The following EFNA2 variants were observed in gnomAD, a reference collection of about 807,000 sequenced individuals.
The protein encoded by EFNA2 is ephrin A2.
EFNA2 carries 18 observed loss-of-function variants against 19.7 expected under a neutral mutation model. The observed-to-expected ratio is 0.91, with a 90% CI of 0.63 to 1.35. EFNA2 has a LOEUF of 1.35. Among genes scored for constraint, EFNA2 ranks in the 40% most tolerant of loss-of-function variants. The pLI, the probability that EFNA2 is intolerant of heterozygous loss-of-function variation, is 0.00. For missense variants in EFNA2, 303 were observed against 296.0 expected (o/e 1.02, Z -0.17); for synonymous variants, 187 against 137.8 (o/e 1.36, Z -2.50).
rs200797751 is a variant in EFNA2, at chr19:1,300,594, A to AC, written c.*655dup. Among the ~76,000 whole-genome samples, 671 of 149,920 alleles carry AC rather than the reference A, an allele frequency of 4.5e-3. 6 individuals carry two copies. Among genetic ancestry groups the AC allele is most frequent in the African/African-American group, 0.016 (630 of 39,832 alleles). On this transcript the variant is annotated 3_prime_UTR_variant, in exon 4 of 4. Transcript: ENST00000215368. ...GGAACACAGCTGCAGCCCACCGCGG[A>AC]CCCCCCTGGTGCTCCAGGTTGGGTG... is the stretch of plus-strand genomic sequence containing the variant.
At position 1,287,890 on chromosome 19, in the gene EFNA2, G is replaced by C. The variant is rs140783631; in HGVS notation, c.140+1582G>C. Among the ~76,000 whole-genome samples, 647 of 152,358 alleles carry C rather than the reference G, an allele frequency of 4.2e-3. 5 individuals carry two copies. The highest frequency in any genetic ancestry group is 0.015 in the African/African-American group (611 of 41,580). On this transcript the variant is annotated intron_variant, in intron 1 of 3. Coordinates refer to ENST00000215368, the MANE Select transcript of EFNA2 (RefSeq NM_001405.4). This position sits in a 1 kb window ranked among gnomAD's most constrained non-coding sequence, Gnocchi z 6.2. ...ACACACGAGGACCCGGCAACCGGGG[G>C]AGGAAGGTGGTCACCAGGGCCGTCC...
intron 1 of EFNA2, among the ~76,000 whole-genome samples, chr19:1,293,765 G>A (rs533115727): frequency 1.1e-3 from 164 of 152,348 alleles, no homozygotes; most frequent in African/African-American, 3.8e-3. Context: ...CCGCCGCCCT[G>A]CCTTGAAATT....
rs1185484211 is a variant in EFNA2 at position 1,296,636 on chromosome 19, G to A, written c.454+778G>A. 6.6e-6 allele frequency among the ~76,000 whole-genome samples: 1 copy of A among 152,086 alleles called. No homozygotes were observed. The highest frequency in any genetic ancestry group is 1.5e-5 in the Non-Finnish European group (1 of 67,984). Reference sequence around the variant, plus strand: ...TGCACTCCAGCCTGGGTGGCAGAGCGAGACCCTGTCTTTAAAAGAAGAAAA... The same window carrying A: ...TGCACTCCAGCCTGGGTGGCAGAGCAAGACCCTGTCTTTAAAAGAAGAAAA... On this transcript the variant is annotated intron_variant, in intron 2 of 3. Coordinates refer to ENST00000215368, the MANE Select transcript of EFNA2 (RefSeq NM_001405.4). This position sits in a 1 kb window ranked among gnomAD's most constrained non-coding sequence, Gnocchi z 4.4.
intron 1 of EFNA2, among the ~76,000 whole-genome samples, chr19:1,292,633 G>A (rs1476804470): frequency 1.3e-5 from 2 of 152,230 alleles, no homozygotes; most frequent in African/African-American, 4.8e-5. Context: ...TGGCTGGAAG[G>A]GAGGAGTCTT....
At chr19:1,289,234 C>T (rs1487651140) in intron 1 of EFNA2, among the ~76,000 whole-genome samples, 2 of 152,236 alleles carry the variant, frequency 1.3e-5, no homozygotes, top group African/African-American at 4.8e-5. Context: ...CTGTGCGTGG[C>T]ACCCGCGTTT....
chr19:1,288,119 C>T (rs1376833677), intron 1 of EFNA2, among the ~76,000 whole-genome samples: 1 of 152,258 alleles, frequency 6.6e-6, no homozygotes, highest in Non-Finnish European at 1.5e-5. Context: ...CTGCCTCCTC[C>T]TTCCTCTCCT....
Position 1,295,604 on chromosome 19 carries a change from A to T in EFNA2, c.200A>T (p.Asp67Val). ...GGYTVEVSINDYLDIYCPHYG... is the reference protein window; with the variant it reads ...GGYTVEVSINVYLDIYCPHYG... ...TACACGGTGGAGGTGAGCATCAATG[A>T]CTACCTGGACATCTACTGCCCGCAC... Residue 67 changes from aspartate to valine, a missense_variant, in exon 2 of 4, where the codon GAC (aspartate) becomes GTC (valine). Asp to Val is a radical substitution (Grantham distance 152). Transcript: ENST00000215368. This position sits in a 1 kb window ranked among gnomAD's most constrained non-coding sequence, Gnocchi z 5.8. 1 of 1,610,864 alleles carries T rather than the reference A, an allele frequency of 6.2e-7. No homozygotes were observed. The highest frequency in any genetic ancestry group is 2.2e-5 in the East Asian group (1 of 44,758).
At position 1,286,019 on chromosome 19, in the gene EFNA2, C is replaced by T. The variant is rs1242782565; in HGVS notation, c.-150C>T. 1.3e-5 allele frequency: 2 copies of T among 156,706 alleles called. No individual in the cohort carries two copies. The highest frequency in any genetic ancestry group is 2.6e-5 in the Non-Finnish European group (2 of 76,112). 9.7% of individuals were successfully genotyped at this position (156,706 alleles called of 1,614,324 possible). On this transcript the variant is annotated 5_prime_UTR_variant, in exon 1 of 4. Coordinates refer to ENST00000215368, the MANE Select transcript of EFNA2 (RefSeq NM_001405.4). This position sits in a 1 kb window ranked among gnomAD's most constrained non-coding sequence, Gnocchi z 5.6. ...GCGCCCGAGGTCGCGCGCGCGGAGG[C>T]GGGGGCGGCCCGGGATCTCCAAGCG...
At position 1,296,492 on chromosome 19, in the gene EFNA2, C is replaced by T. The variant is rs1489181474; in HGVS notation, c.454+634C>T. The stretch of plus-strand genomic sequence containing the variant: ...AGCGTGGACAACGTAGGGAGACCTT[C>T]TCTCTACAAAAACATAAAAACAATT... On this transcript the variant is annotated intron_variant, in intron 2 of 3. Coordinates refer to ENST00000215368, the MANE Select transcript of EFNA2 (RefSeq NM_001405.4). This position sits in a 1 kb window ranked among gnomAD's most constrained non-coding sequence, Gnocchi z 4.4. Among the ~76,000 whole-genome samples the T allele has an allele frequency of 6.6e-6, 1 of 152,142 alleles. No individual in the cohort carries two copies. The highest frequency in any genetic ancestry group is 1.9e-4 in the East Asian group (1 of 5,192).
upstream of EFNA2, among the ~76,000 whole-genome samples, chr19:1,284,312 G>A (rs975206718): frequency 1.1e-4 from 17 of 152,194 alleles, no homozygotes; most frequent in South Asian, 2.1e-4. This position sits in a 1 kb window ranked among gnomAD's most constrained non-coding sequence, Gnocchi z 5.3. Context: ...ACAGGTTCAC[G>A]CCCTCCACTG....
In EFNA2 at chr19:1,294,225, G is replaced by A. The variant is rs1293808893; in HGVS notation, c.141-1320G>A. Among the ~76,000 whole-genome samples, 7 of 152,248 alleles carry A rather than the reference G, an allele frequency of 4.6e-5. No individual in the cohort carries two copies. Among genetic ancestry groups the A allele is most frequent in the Admixed American group, 4.6e-4 (7 of 15,294 alleles). On this transcript the variant is annotated intron_variant, in intron 1 of 3. Coordinates refer to ENST00000215368, the MANE Select transcript of EFNA2 (RefSeq NM_001405.4). The surrounding 1 kb of genome is among the most constrained non-coding windows in gnomAD (Gnocchi z 5.8). ...AAGCCCCTCTCAGGGCCCCCCTCGT[G>A]CCCCGCTTGGTCCAGGCCGCCGGTT...
At chr19:1,298,508 C>G in intron 2 of EFNA2, 43 bp from the exon 3 acceptor site, 1 of 1,605,578 alleles carries the variant, frequency 6.2e-7, no homozygotes, top group Non-Finnish European at 8.5e-7. Context: ...GTCTCAGGCA[C>G]CAAGAGGCAC....
intron 1 of EFNA2, among the ~76,000 whole-genome samples, chr19:1,293,884 C>T (rs367795489): frequency 1.9e-4 from 29 of 152,252 alleles, no homozygotes; most frequent in Admixed American, 1.2e-3. Context: ...CCCCCGGCCC[C>T]GCCTGGCGTG....
chr19:1,298,637 G>A (rs2081526830), intron 3 of EFNA2, 21 bp downstream of exon 3: 1 of 1,612,552 alleles, frequency 6.2e-7, no homozygotes, highest in East Asian at 2.2e-5. Flanking sequence ...AGGGGGATGG[G>A]CAGGATCCAG....
Position 1,295,731 on chromosome 19 carries a change from C to T in EFNA2, c.327C>T (p.Phe109=), listed in dbSNP as rs763908965. The change falls in exon 2 of 4, where the codon TTC becomes TTT. Residue 109 remains phenylalanine (F), a synonymous_variant. Coordinates refer to ENST00000215368, the MANE Select transcript of EFNA2 (RefSeq NM_001405.4). This position sits in a 1 kb window ranked among gnomAD's most constrained non-coding sequence, Gnocchi z 5.8. ...HASCDHRQRG[F]KRWECNRPAA... Reference sequence around the variant, plus strand: ...CCTGCGACCACCGCCAGCGCGGCTTCAAGCGCTGGGAGTGCAACCGGCCCG... The same window carrying T: ...CCTGCGACCACCGCCAGCGCGGCTTTAAGCGCTGGGAGTGCAACCGGCCCG... 2.5e-6 allele frequency: 4 copies of T among 1,608,246 alleles called. No individual in the cohort carries two copies. The highest frequency in any genetic ancestry group is 3.4e-6 in the Non-Finnish European group (4 of 1,177,866).
chr19:1,301,264 G>A lies in EFNA2; in HGVS notation c.*1319G>A, dbSNP rs1328942158. 6.7e-6 allele frequency among the ~76,000 whole-genome samples: 1 copy of A among 148,644 alleles called. No homozygotes were observed. Among genetic ancestry groups the A allele is most frequent in the Non-Finnish European group, 1.5e-5 (1 of 67,170 alleles). On this transcript the variant is annotated 3_prime_UTR_variant, in exon 4 of 4. Transcript: ENST00000215368. Reference sequence around the variant, plus strand: ...ATATTGTGTACGGCCGCCGGCCGGCGGCTCGAGGCACGCCCGGTGGTGGGG... The same window carrying A: ...ATATTGTGTACGGCCGCCGGCCGGCAGCTCGAGGCACGCCCGGTGGTGGGG...
In EFNA2 at chr19:1,295,143, G is replaced by C. The variant is rs909643405; in HGVS notation, c.141-402G>C. The stretch of plus-strand genomic sequence containing the variant: ...GCTCCCAACCTTGGAAGCCCGCCGT[G>C]ATTGGGGTGTGCAACCCCACCTGCT... On this transcript the variant is annotated intron_variant, in intron 1 of 3. Transcript: ENST00000215368. This position sits in a 1 kb window ranked among gnomAD's most constrained non-coding sequence, Gnocchi z 5.8. Among the ~76,000 whole-genome samples, 1 of 152,142 alleles carries C rather than the reference G, an allele frequency of 6.6e-6. No homozygotes were observed. The highest frequency in any genetic ancestry group is 6.5e-5 in the Admixed American group (1 of 15,282).
intron 1 of EFNA2, among the ~76,000 whole-genome samples, chr19:1,293,467 C>T (rs939378715): frequency 3.3e-5 from 5 of 149,984 alleles, no homozygotes; most frequent in South Asian, 2.1e-4. Context: ...GTCCAACAGC[C>T]GGGAGGACCA....
In EFNA2 at chr19:1,286,239, C is replaced by T; in HGVS notation, c.71C>T (p.Ala24Val). The change falls in exon 1 of 4, where the codon GCG (alanine) becomes GTG (valine). Residue 24 changes from alanine (A) to valine (V), a missense_variant. Transcript: ENST00000215368. The surrounding 1 kb of genome is among the most constrained non-coding windows in gnomAD (Gnocchi z 5.6). ...LLLPLPPPPF[A>V]RAEDAARANS... ...TTACCGCTGCCGCCGCCGCCCTTCG[C>T]GCGCGCCGAGGACGCCGCCCGCGCC... is the stretch of plus-strand genomic sequence containing the variant. The T allele has an allele frequency of 8.9e-7, 1 of 1,128,978 alleles. No individual in the cohort carries two copies. The allele number at this position is 1,128,978 out of a possible 1,614,324, so 69.9% of individuals were successfully genotyped here. A position where few individuals can be genotyped will look rare whatever the true frequency, so the allele number is the denominator to read the frequency against.
Sources: allele counts gnomAD v4.1 joint callset (sites outside exome capture counted in the v4.1 genomes callset), GRCh38; gene constraint gnomAD v4.1.1; non-coding constraint Gnocchi (gnomAD v3.1); transcripts MANE v1.5; gene names NCBI Gene and HGNC (gene_info 2026-07-23, HGNC 2026-07-21).